The following DENND4C variants were observed in gnomAD, a reference collection of about 807,000 sequenced individuals.
The protein encoded by DENND4C is DENN domain-containing protein 4C.
In DENND4C, 108 loss-of-function variants were observed where a neutral mutation model predicts 203.0. The ratio of observed to expected loss-of-function variants is 0.53; its 90% CI spans 0.46 to 0.62. The LOEUF (loss-of-function observed/expected upper bound fraction) is 0.62, where lower values mean the gene tolerates loss of function less well. DENND4C is among the 20% of genes least tolerant of loss of function. The pLI, the probability that DENND4C is intolerant of heterozygous loss-of-function variation, is 0.00. For synonymous variants in DENND4C, 871 were observed against 792.4 expected (o/e 1.10, Z -1.67); for missense variants, 2,481 against 2,301.2 (o/e 1.08, Z -1.60).
At chr9:19,314,005 C>T (rs950714512) in intron 10 of DENND4C, among the ~76,000 whole-genome samples, 1 of 152,132 alleles carries the variant, frequency 6.6e-6, no homozygotes, top group Admixed American at 6.6e-5. Flanking sequence ...TCGCTTGAAC[C>T]TGGGAGGAAG....
In DENND4C at chr9:19,328,042, T is replaced by C. The variant is rs1387072127; in HGVS notation, c.2133T>C (p.Phe711=). 2 of 1,603,832 alleles carry C rather than the reference T, an allele frequency of 1.2e-6. No individual in the cohort carries two copies. Among genetic ancestry groups the C allele is most frequent in the African/African-American group, 1.3e-5 (1 of 74,086 alleles). The change falls in exon 16 of 33, where the codon TTT becomes TTC. Residue 711 remains phenylalanine (F), a synonymous_variant. Coordinates refer to ENST00000434457, the MANE Select transcript of DENND4C (RefSeq NM_001330640.2). ...DLSPKYSYKY[F]PRLDLKLFDR... is the part of the protein sequence containing the mutation. ...TTTTTTATTTTAGTTACAAATACTT[T>C]CCAAGACTGGACCTTAAGCTTTTTG...
chr9:19,270,899 C>A (rs571517776), intron 1 of DENND4C, among the ~76,000 whole-genome samples: 41 of 152,094 alleles, frequency 2.7e-4, no homozygotes, highest in African/African-American at 9.4e-4. Context: ...TATATGAGAT[C>A]AATATGTAAA....
chr9:19,358,174 A>G lies in DENND4C; in HGVS notation c.5160+14A>G. On this transcript the variant is annotated intron_variant, in intron 28 of 32. Coordinates refer to ENST00000434457, the MANE Select transcript of DENND4C (RefSeq NM_001330640.2). The surrounding 1 kb of genome is among the most constrained non-coding windows in gnomAD (Gnocchi z 4.8). ...CAGGAAGTTGTGGTATGTAACAACA[A>G]CAACATTGTAATTATACTGCATACA... 1 of 1,605,854 alleles carries G rather than the reference A, an allele frequency of 6.2e-7. No homozygotes were observed. The highest frequency in any genetic ancestry group is 8.5e-7 in the Non-Finnish European group (1 of 1,173,458).
chr9:19,236,476 T>C (rs1272983929), intron 1 of DENND4C, among the ~76,000 whole-genome samples: 1 of 152,184 alleles, frequency 6.6e-6, no homozygotes, highest in Admixed American at 6.5e-5. Flanking sequence ...GGAGAGTAAG[T>C]AGAGGCTGTG....
chr9:19,345,102 A>T (rs1233975713), intron 22 of DENND4C, among the ~76,000 whole-genome samples: 2 of 152,232 alleles, frequency 1.3e-5, no homozygotes, highest in East Asian at 3.8e-4. Flanking sequence ...GCGGACACAA[A>T]CATTCAGTCC....
At chr9:19,251,849 A>G (rs1417933266) in intron 1 of DENND4C, among the ~76,000 whole-genome samples, 1 of 152,208 alleles carries the variant, frequency 6.6e-6, no homozygotes, top group Non-Finnish European at 1.5e-5. Flanking sequence ...TTTATTGTCC[A>G]TATCACGATC....
At chr9:19,281,891 C>T (rs1199358996) in intron 2 of DENND4C, among the ~76,000 whole-genome samples, 1 of 152,138 alleles carries the variant, frequency 6.6e-6, no homozygotes, top group Non-Finnish European at 1.5e-5. Context: ...TATATCTAAA[C>T]ATAGAAAAGG....
At chr9:19,335,501 G>A (rs1820247254) in intron 18 of DENND4C, among the ~76,000 whole-genome samples, 1 of 152,024 alleles carries the variant, frequency 6.6e-6, no homozygotes, top group South Asian at 2.1e-4. Flanking sequence ...ATCTTCCAGT[G>A]TCCCCTTTCC....
chr9:19,274,567 T>G (rs150883670), intron 1 of DENND4C, among the ~76,000 whole-genome samples: 3,243 of 152,316 alleles, frequency 0.021, 118 homozygotes, highest in African/African-American at 0.074. Context: ...AGTGCTGGGA[T>G]TACAGGCGTG....
rs768247502 is a variant in DENND4C, at chr9:19,346,808, C to T, written c.4039C>T (p.Pro1347Ser). ...QENPESEKSS[P>S]AVSRSKTFTG... is the part of the protein sequence containing the mutation. ...AAATCCTGAAAGTGAAAAGAGCTCACCTGCAGTGTCCAGGTCTAAAACTTT... is the reference window on the plus strand; with the variant it reads ...AAATCCTGAAAGTGAAAAGAGCTCATCTGCAGTGTCCAGGTCTAAAACTTT... The change falls in exon 23 of 33, where the codon CCT becomes TCT. Residue 1347 changes from proline to serine, a missense_variant. By Grantham distance (74) the Pro-to-Ser change is moderately conservative. Transcript: ENST00000434457. The T allele has an allele frequency of 3.1e-6, 5 of 1,614,168 alleles. No individual in the cohort carries two copies. The highest frequency in any genetic ancestry group is 4.2e-6 in the Non-Finnish European group (5 of 1,180,034).
In DENND4C at chr9:19,305,425, C is replaced by T; in HGVS notation, c.1385C>T (p.Ala462Val). The change falls in exon 10 of 33, where the codon GCA becomes GTA. Residue 462 changes from alanine to valine, a missense_variant. Around this residue, in one of 3 missense-constraint regions of DENND4C, gnomAD observed 2,289 missense variants for 2,113.3 expected, o/e 1.08. Coordinates refer to ENST00000434457, the MANE Select transcript of DENND4C (RefSeq NM_001330640.2). Reference protein sequence around the residue: ...CPLSLAAVLSAPLPFIVGVDS... With the variant: ...CPLSLAAVLSVPLPFIVGVDS... ...CTTTCACTGGCTGCAGTGCTTAGTG[C>T]ACCTTTACCATTTATAGTTGGAGTT... The T allele has an allele frequency of 6.2e-7, 1 of 1,613,934 alleles. No individual in the cohort carries two copies. Among genetic ancestry groups the T allele is most frequent in the Non-Finnish European group, 8.5e-7 (1 of 1,179,888 alleles).
At chr9:19,319,379 T>TATATAC (rs1366607176) in intron 12 of DENND4C, among the ~76,000 whole-genome samples, 1 of 105,834 alleles carries the variant, frequency 9.4e-6, no homozygotes, top group African/African-American at 4.4e-5. Flanking sequence ...TATATACACA[T>TATATAC]ACATATATAT....
chr9:19,305,295 A>G lies in DENND4C; in HGVS notation c.1312-57A>G, dbSNP rs575938607. On this transcript the variant is annotated intron_variant, in intron 9 of 32. Transcript: ENST00000434457. The stretch of plus-strand genomic sequence containing the variant: ...CCCTTTTCAGTAATACTAGTTACTT[A>G]TATATTTTTTATTGCAAATTTAAAA... The G allele has an allele frequency of 2.4e-5, 35 of 1,475,602 alleles. No homozygotes were observed. In the East Asian group the frequency reaches 7.5e-4, roughly 32 times the overall value. The allele number at this position is 1,475,602 out of a possible 1,614,324, so 91.4% of individuals were successfully genotyped here.
intron 2 of DENND4C, among the ~76,000 whole-genome samples, chr9:19,277,078 G>A (rs1249533648): frequency 1.3e-5 from 2 of 151,960 alleles, no homozygotes; most frequent in African/African-American, 4.8e-5. Flanking sequence ...CTGTAAAAAG[G>A]ATGTGCTTTT....
chr9:19,367,965 T>C (rs1369016089), intron 30 of DENND4C, among the ~76,000 whole-genome samples: 1 of 152,124 alleles, frequency 6.6e-6, no homozygotes, highest in Non-Finnish European at 1.5e-5. Flanking sequence ...GAAAGTAGAT[T>C]AGTGGTTGCC....
intron 1 of DENND4C, among the ~76,000 whole-genome samples, chr9:19,260,919 AAAAAG>A (rs1195420681): frequency 6.6e-6 from 1 of 152,194 alleles, no homozygotes; most frequent in Non-Finnish European, 1.5e-5. Flanking sequence ...CTCAAAAAGA[AAAAAG>A]AAAGAGATCT....
rs199891072 is a variant in DENND4C, at chr9:19,273,468, TC to T, written c.-17-2689del. ...GGAGTTCATCAAAAACCTCTGTTTT[TC>T]ATAAGACCCTGTAAGAGAATAAAAA... On this transcript the variant is annotated intron_variant, in intron 1 of 32. Coordinates refer to ENST00000434457, the MANE Select transcript of DENND4C (RefSeq NM_001330640.2). Among the ~76,000 whole-genome samples the T allele has an allele frequency of 1.5e-3, 226 of 152,110 alleles. 6 individuals carry two copies. The highest frequency in any genetic ancestry group is 5.0e-3 in the African/African-American group (208 of 41,402).
At chr9:19,291,009 C>G in intron 5 of DENND4C, 133 bp downstream of exon 5, 3 of 850,742 alleles carry the variant, frequency 3.5e-6, no homozygotes, top group Non-Finnish European at 5.3e-6. Context: ...CACTGTCATC[C>G]CCAAGGTGAG....
At chr9:19,264,264 C>T (rs1009753553) in intron 1 of DENND4C, among the ~76,000 whole-genome samples, 33 of 149,140 alleles carry the variant, frequency 2.2e-4, no homozygotes, top group African/African-American at 6.4e-4. Context: ...GTTTCTTCTA[C>T]GTTTTCCAGT....
Sources: allele counts gnomAD v4.1 joint callset (sites outside exome capture counted in the v4.1 genomes callset), GRCh38; gene constraint gnomAD v4.1.1; regional missense constraint gnomAD v4.1.1; non-coding constraint Gnocchi (gnomAD v3.1); transcripts MANE v1.5; gene names NCBI Gene and HGNC (gene_info 2026-07-23, HGNC 2026-07-21).